Variants in PRKG1 observed in about 807,000 individuals in gnomAD.
PRKG1 encodes protein kinase cGMP-dependent 1.
PRKG1 carries 35 observed loss-of-function variants against 88.1 expected under a neutral mutation model. The ratio of observed to expected loss-of-function variants is 0.40; its 90% CI spans 0.30 to 0.53. PRKG1 has a LOEUF of 0.53. Ranked by LOEUF, PRKG1 falls within the 20% of genes least tolerant of loss-of-function variation. PRKG1 has a pLI of 0.59. For missense variants in PRKG1, 540 were observed against 839.8 expected, an observed-to-expected ratio of 0.64 and a Z score of 4.41; for synonymous variants, 303 against 292.5, an observed-to-expected ratio of 1.04 and a Z score of -0.37.
chr10:52,140,267 T>C (rs1837539756), intron 8 of PRKG1, among the ~76,000 whole-genome samples: 1 of 152,176 alleles, frequency 6.6e-6, no homozygotes, highest in South Asian at 2.1e-4. Flanking sequence ...TTCAGCTTTT[T>C]AAAATAAAGC....
At chr10:52,284,730 C>T (rs1462530675) in intron 14 of PRKG1, among the ~76,000 whole-genome samples, 1 of 151,994 alleles carries the variant, frequency 6.6e-6, no homozygotes, top group African/African-American at 2.4e-5. Flanking sequence ...AAAGACTGTT[C>T]ATGCAGAGAC....
At chr10:52,160,931 A>T (rs1838260802) in intron 8 of PRKG1, among the ~76,000 whole-genome samples, 1 of 152,096 alleles carries the variant, frequency 6.6e-6, no homozygotes, top group Non-Finnish European at 1.5e-5. Context: ...ATTTGTTATT[A>T]CATATAAAGC....
intron 3 of PRKG1, among the ~76,000 whole-genome samples, chr10:51,744,393 C>G (rs1276553184): frequency 1.3e-5 from 2 of 152,116 alleles, no homozygotes; most frequent in African/African-American, 4.8e-5. Context: ...GTGGACCAGT[C>G]CAGCTTTTTA....
chr10:51,122,075 A>G (rs1845272908), intron 1 of PRKG1, among the ~76,000 whole-genome samples: 1 of 152,190 alleles, frequency 6.6e-6, no homozygotes, highest in African/African-American at 2.4e-5. Context: ...ACATTTTGGC[A>G]GAAACCTTAG....
Position 51,163,562 on chromosome 10 carries a change from G to A in PRKG1, c.478+10232G>A, listed in dbSNP as rs554796750. On this transcript the variant is annotated intron_variant, in intron 2 of 17. Coordinates refer to ENST00000373980, the MANE Select transcript of PRKG1 (RefSeq NM_006258.4). ...GCAAGACAGTGGGTGCCGCGCACCCGCACCATGTGCGAGCCGAAGCAGGGC... is the reference window on the plus strand; with the variant it reads ...GCAAGACAGTGGGTGCCGCGCACCCACACCATGTGCGAGCCGAAGCAGGGC... 7.2e-5 allele frequency among the ~76,000 whole-genome samples: 11 copies of A among 152,290 alleles called. No individual in the cohort carries two copies. In the South Asian group the frequency reaches 1.4e-3, roughly 20 times the overall value.
intron 10 of PRKG1, among the ~76,000 whole-genome samples, chr10:52,267,290 A>G (rs1841599313): frequency 6.6e-6 from 1 of 152,082 alleles, no homozygotes; most frequent in Non-Finnish European, 1.5e-5. Flanking sequence ...TAAGAAGGTA[A>G]TAGTGTGGTT....
chr10:51,310,442 G>T (rs1270230131), intron 2 of PRKG1, among the ~76,000 whole-genome samples: 2 of 152,110 alleles, frequency 1.3e-5, no homozygotes, highest in Non-Finnish European at 2.9e-5. Flanking sequence ...GAAGAACAAG[G>T]TTAACAGAAA....
In PRKG1 at chr10:51,373,438, T is replaced by A. The variant is rs545713516; in HGVS notation, c.479-94285T>A. Among the ~76,000 whole-genome samples the A allele has an allele frequency of 2.6e-5, 4 of 152,254 alleles. No individual in the cohort carries two copies. In the East Asian group the frequency reaches 7.7e-4, roughly 29 times the overall value. ...CTCCAAAATTCAGGTGTTTCTTTTT[T>A]AAAAAATAAAATTAGTTCCAGGGTA... On this transcript the variant is annotated intron_variant, in intron 2 of 17. Coordinates refer to ENST00000373980, the MANE Select transcript of PRKG1 (RefSeq NM_006258.4).
At chr10:51,976,387 G>C (rs1843833113) in intron 5 of PRKG1, among the ~76,000 whole-genome samples, 1 of 151,632 alleles carries the variant, frequency 6.6e-6, no homozygotes, top group Admixed American at 6.6e-5. Context: ...AACAAAATGT[G>C]ATATATCTAC....
chr10:51,700,922 T>C lies in PRKG1; in HGVS notation c.593-103663T>C, dbSNP rs545875224. 2.6e-5 allele frequency among the ~76,000 whole-genome samples: 4 copies of C among 152,064 alleles called. No individual in the cohort carries two copies. In the South Asian group the frequency reaches 8.3e-4, roughly 32 times the overall value. On this transcript the variant is annotated intron_variant, in intron 3 of 17. Transcript: ENST00000373980. ...TTTTGAAGAACACTAAGACAAAAAA[T>C]AAAAACAAATAAAAAGAAAGTATTT...
At chr10:51,101,207 G>A (rs1589152517) in intron 1 of PRKG1, among the ~76,000 whole-genome samples, 1 of 152,138 alleles carries the variant, frequency 6.6e-6, no homozygotes, top group Non-Finnish European at 1.5e-5. Context: ...TCATAAAGGT[G>A]AGGCCCTGAT....
chr10:52,253,097 C>A (rs1037933633), intron 10 of PRKG1, among the ~76,000 whole-genome samples: 1 of 151,812 alleles, frequency 6.6e-6, no homozygotes, highest in Non-Finnish European at 1.5e-5. Context: ...TATATAGTTG[C>A]GTATTTCTAA....
At chr10:51,504,478 T>G (rs896353565) in intron 3 of PRKG1, among the ~76,000 whole-genome samples, 7 of 152,174 alleles carry the variant, frequency 4.6e-5, no homozygotes, top group African/African-American at 1.7e-4. Context: ...CCATATGAAC[T>G]TTAAAGTAGT....
intron 5 of PRKG1, among the ~76,000 whole-genome samples, chr10:52,042,758 G>T (rs1456929171): frequency 2.0e-5 from 3 of 152,032 alleles, no homozygotes; most frequent in Non-Finnish European, 2.9e-5. Flanking sequence ...TGCCCAGCAG[G>T]GGAAACAATC....
At chr10:51,834,314 CAG>C (rs1034467556) in intron 4 of PRKG1, among the ~76,000 whole-genome samples, 1 of 151,878 alleles carries the variant, frequency 6.6e-6, no homozygotes, top group Non-Finnish European at 1.5e-5. Flanking sequence ...TTTTGCAAAA[CAG>C]AACTGTGTTC....
intron 5 of PRKG1, among the ~76,000 whole-genome samples, chr10:51,988,630 G>T (rs1369232184): frequency 6.6e-6 from 1 of 151,914 alleles, no homozygotes; most frequent in Non-Finnish European, 1.5e-5. Flanking sequence ...ATAAGTATTG[G>T]CTATTCAGGT....
At chr10:51,602,152 G>A (rs1367886405) in intron 3 of PRKG1, among the ~76,000 whole-genome samples, 1 of 152,024 alleles carries the variant, frequency 6.6e-6, no homozygotes, top group African/African-American at 2.4e-5. Context: ...TTCTACATTA[G>A]CCCGAGGGGT....
chr10:51,445,353 C>T (rs1021573411), intron 2 of PRKG1, among the ~76,000 whole-genome samples: 4 of 151,632 alleles, frequency 2.6e-5, no homozygotes, highest in African/African-American at 9.7e-5. Flanking sequence ...CTTTGTGTTC[C>T]TAGTTACTCA....
intron 4 of PRKG1, among the ~76,000 whole-genome samples, chr10:51,814,473 A>T (rs1005833878): frequency 6.6e-6 from 1 of 152,160 alleles, no homozygotes; most frequent in African/African-American, 2.4e-5. Flanking sequence ...TCAATGACAG[A>T]CCTATTGAGC....
Sources: allele counts gnomAD v4.1 joint callset (sites outside exome capture counted in the v4.1 genomes callset), GRCh38; gene constraint gnomAD v4.1.1; transcripts MANE v1.5; gene names NCBI Gene and HGNC (gene_info 2026-07-23, HGNC 2026-07-21).